Variants in DCC observed in about 807,000 individuals in gnomAD.
DCC encodes the protein netrin receptor DCC.
In DCC, 58 loss-of-function variants were observed where a neutral mutation model predicts 172.5. The ratio of observed to expected loss-of-function variants is 0.34; its 90% CI spans 0.27 to 0.42. The LOEUF (loss-of-function observed/expected upper bound fraction) is 0.42. DCC is among the 10% of genes least tolerant of loss of function. The pLI is 1.00. For synonymous variants in DCC, 709 were observed against 644.5 expected, an observed-to-expected ratio of 1.10 and a Z score of -1.52; for missense variants, 1,740 against 1,791.0, an observed-to-expected ratio of 0.97 and a Z score of 0.51.
chr18:53,162,189 C>A (rs1334810506), intron 8 of DCC, among the ~76,000 whole-genome samples: 1 of 150,494 alleles, frequency 6.6e-6, no homozygotes, highest in East Asian at 2.0e-4. Context: ...ATCCTGGCTA[C>A]TTAGAATGGT....
At chr18:53,271,185 A>G (rs9952267) in intron 12 of DCC, among the ~76,000 whole-genome samples, 43 of 152,274 alleles carry the variant, frequency 2.8e-4, no homozygotes, top group African/African-American at 8.7e-4. Flanking sequence ...CTTTTCTACA[A>G]TCTAGAAAAG....
At chr18:52,824,626 T>C (rs570600682) in intron 2 of DCC, among the ~76,000 whole-genome samples, 78 of 152,124 alleles carry the variant, frequency 5.1e-4, no homozygotes, top group African/African-American at 1.8e-3. Flanking sequence ...ACTGCTATAG[T>C]TTTAAAGATG....
chr18:53,472,833 G>T lies in DCC; in HGVS notation c.3736+4823G>T, dbSNP rs1309166549. On this transcript the variant is annotated intron_variant, in intron 25 of 28. Coordinates refer to ENST00000442544, the MANE Select transcript of DCC (RefSeq NM_005215.4). ...TACATTTCTCCAGTGGCTCCCATTT[G>T]TCTGCCAAGAAAAACAAAACAAACC... is the stretch of plus-strand genomic sequence containing the variant. Among the ~76,000 whole-genome samples the T allele has an allele frequency of 3.3e-5, 5 of 152,190 alleles. No homozygotes were observed. In the South Asian group the frequency reaches 8.3e-4, roughly 25 times the overall value.
At chr18:53,523,953 AAAAG>A (rs893661494) in intron 27 of DCC, among the ~76,000 whole-genome samples, 16 of 152,016 alleles carry the variant, frequency 1.1e-4, no homozygotes, top group African/African-American at 3.9e-4. Flanking sequence ...TATTAATAAA[AAAAG>A]AAATAGTAAA....
At chr18:53,392,634 A>G (rs765394106) in intron 17 of DCC, among the ~76,000 whole-genome samples, 44 of 152,224 alleles carry the variant, frequency 2.9e-4, no homozygotes, top group Admixed American at 1.3e-4. Flanking sequence ...CTATGATGTT[A>G]GTATATATAG....
intron 7 of DCC, among the ~76,000 whole-genome samples, chr18:53,126,944 G>A (rs563507984): frequency 6.6e-5 from 10 of 152,198 alleles, no homozygotes; most frequent in African/African-American, 1.7e-4. Context: ...ATATGCCTGG[G>A]TTTATGCAAT....
chr18:53,098,896 A>C (rs1162182238), intron 7 of DCC, among the ~76,000 whole-genome samples: 1 of 152,092 alleles, frequency 6.6e-6, no homozygotes, highest in East Asian at 1.9e-4. Context: ...CTGTGGTCCC[A>C]GCTAGTCTGG....
intron 15 of DCC, among the ~76,000 whole-genome samples, chr18:53,368,007 G>T (rs1208002695): frequency 1.3e-5 from 2 of 152,112 alleles, no homozygotes; most frequent in East Asian, 3.9e-4. Flanking sequence ...CTACCATACT[G>T]TTTTTCATAG....
At position 53,055,157 on chromosome 18, in the gene DCC, A is replaced by G. The variant is rs7241984; in HGVS notation, c.986-8148A>G. ...CTATCCCATGCTTGGCCTTGGGGAC[A>G]CAAAGATAAATAAGACAATCCATGT... On this transcript the variant is annotated intron_variant, in intron 5 of 28. Coordinates refer to ENST00000442544, the MANE Select transcript of DCC (RefSeq NM_005215.4). Among the ~76,000 whole-genome samples, 1,304 of 152,244 alleles carry G rather than the reference A, an allele frequency of 8.6e-3. 15 individuals carry two copies. The highest frequency in any genetic ancestry group is 0.029 in the African/African-American group (1,221 of 41,550).
At chr18:53,378,665 T>A (rs1455114775) in intron 15 of DCC, among the ~76,000 whole-genome samples, 1 of 152,190 alleles carries the variant, frequency 6.6e-6, no homozygotes, top group Non-Finnish European at 1.5e-5. Flanking sequence ...AAGCACCTTC[T>A]ATCTGCCCAG....
chr18:52,865,187 G>A, intron 2 of DCC, among the ~76,000 whole-genome samples: 1 of 152,096 alleles, frequency 6.6e-6, no homozygotes, highest in East Asian at 1.9e-4. Context: ...TCTTATGGCT[G>A]TATAGTATTC....
intron 2 of DCC, among the ~76,000 whole-genome samples, chr18:52,818,972 C>G (rs1404266618): frequency 6.6e-6 from 1 of 152,164 alleles, no homozygotes; most frequent in Non-Finnish European, 1.5e-5. Context: ...AGAGAATTAG[C>G]TTGTGACTTA....
At chr18:52,826,607 C>T (rs1475986612) in intron 2 of DCC, among the ~76,000 whole-genome samples, 4 of 152,150 alleles carry the variant, frequency 2.6e-5, no homozygotes, top group East Asian at 1.9e-4. Context: ...CAGCTTCCTG[C>T]GTAGCTGGGA....
chr18:53,469,479 T>C (rs1460406800), intron 25 of DCC, among the ~76,000 whole-genome samples: 2 of 152,196 alleles, frequency 1.3e-5, no homozygotes, highest in Admixed American at 1.3e-4. Context: ...TCTTTCCCTA[T>C]TCTTAGCTAA....
intron 1 of DCC, among the ~76,000 whole-genome samples, chr18:52,512,447 A>G (rs1265888680): frequency 2.0e-5 from 3 of 152,196 alleles, no homozygotes; most frequent in South Asian, 2.1e-4. Context: ...CGCCCACTGA[A>G]GTTCTTTCTT....
intron 5 of DCC, among the ~76,000 whole-genome samples, chr18:52,932,742 TATATAG>T (rs1305370182): frequency 2.0e-5 from 3 of 152,028 alleles, no homozygotes; most frequent in African/African-American, 4.8e-5. Flanking sequence ...AGAATATTTA[TATATAG>T]ATATAGATAT....
intron 15 of DCC, among the ~76,000 whole-genome samples, chr18:53,377,564 C>G (rs11082986): frequency 0.16 from 24,375 of 152,006 alleles, 2,419 homozygotes; most frequent in African/African-American, 0.27. Context: ...AACGCATGAA[C>G]CTTGAGGGAC....
intron 1 of DCC, among the ~76,000 whole-genome samples, chr18:52,496,490 G>A (rs1036728831): frequency 6.6e-6 from 1 of 152,070 alleles, no homozygotes; most frequent in African/African-American, 2.4e-5. Flanking sequence ...TTTACTTTTT[G>A]GTGAAAATGA....
chr18:53,340,010 T>A lies in DCC; in HGVS notation c.2359+103T>A, dbSNP rs563668529. The stretch of plus-strand genomic sequence containing the variant: ...TGTTCCCTGGTATGATGGTTTCAAC[T>A]TACAGCATGTATTAGCTCTGAAAGC... On this transcript the variant is annotated intron_variant, in intron 15 of 28. Transcript: ENST00000442544. The A allele has an allele frequency of 5.9e-4, 567 of 965,860 alleles. 7 individuals are homozygous for A. The South Asian group carries it at 6.7e-3, about 11-fold the overall frequency. 59.8% of individuals were successfully genotyped at this position (965,860 alleles called of 1,614,324 possible). A position where few individuals can be genotyped will look rare whatever the true frequency, so the allele number is the denominator to read the frequency against.
Sources: allele counts gnomAD v4.1 joint callset (sites outside exome capture counted in the v4.1 genomes callset), GRCh38; gene constraint gnomAD v4.1.1; transcripts MANE v1.5; gene names NCBI Gene and HGNC (gene_info 2026-07-23, HGNC 2026-07-21).